Variants in CCDC144A observed in about 807,000 individuals in gnomAD.
CCDC144A encodes coiled-coil domain containing 144A.
CCDC144A carries 41 observed loss-of-function variants against 143.8 expected under a neutral mutation model. The ratio of observed to expected loss-of-function variants is 0.29; its 90% CI spans 0.22 to 0.37. CCDC144A has a LOEUF of 0.37. Ranked by LOEUF, CCDC144A falls within the 10% of genes least tolerant of loss-of-function variation. The pLI, the probability that CCDC144A is intolerant of heterozygous loss-of-function variation, is 1.00. For missense variants in CCDC144A, 637 were observed against 1,488.8 expected (o/e 0.43, Z 9.41); for synonymous variants, 242 against 517.9 (o/e 0.47, Z 7.23).
the CCDC144A span, among the ~76,000 whole-genome samples, chr17:16,679,395 A>G: frequency 6.6e-6 from 1 of 152,130 alleles, no homozygotes; most frequent in Non-Finnish European, 1.5e-5. Context: ...TGACAACACA[A>G]TTGTATATGT....
At chr17:16,684,087 G>GT in the CCDC144A span, 2 of 936,676 alleles carry the variant, frequency 2.1e-6, no homozygotes, top group Non-Finnish European at 3.6e-6. Context: ...TATACAGACA[G>GT]TATGTTTACG....
rs767789399 is a variant in CCDC144A at position 16,761,679 on chromosome 17, G to A, written c.3627G>A (p.Glu1209=). The stretch of plus-strand genomic sequence containing the variant: ...TGATTGAAGAAAGAGCAAGGAAGGA[G>A]ATAGAAGAAAAATTAAACGAAGCCA... ...KLLIEERARK[E]IEEKLNEAIL... is the part of the protein sequence containing the mutation. Residue 1209 remains glutamate (E), a synonymous_variant, in exon 13 of 17, where the codon GAG becomes GAA. Coordinates refer to ENST00000399273, the MANE Select transcript of CCDC144A (RefSeq NM_001382000.1). 1 of 1,613,264 alleles carries A rather than the reference G, an allele frequency of 6.2e-7. No individual in the cohort carries two copies. Among genetic ancestry groups the A allele is most frequent in the Non-Finnish European group, 8.5e-7 (1 of 1,179,642 alleles).
chr17:16,674,537 G>A, the CCDC144A span, among the ~76,000 whole-genome samples: 4 of 137,394 alleles, frequency 2.9e-5, no homozygotes, highest in East Asian at 5.1e-4. Flanking sequence ...AAAACCTGTC[G>A]AAAGAAAGAG....
At chr17:16,762,111 A>G (rs570146702) in intron 13 of CCDC144A, among the ~76,000 whole-genome samples, 1 of 152,360 alleles carries the variant, frequency 6.6e-6, no homozygotes, top group South Asian at 2.1e-4. Context: ...ATTCAGATTC[A>G]GTTATTAATT....
chr17:16,681,237 T>G, the CCDC144A span, among the ~76,000 whole-genome samples: 7,913 of 152,128 alleles, frequency 0.052, 316 homozygotes, highest in Middle Eastern at 0.096. Flanking sequence ...GCCTTTCATT[T>G]TAAAATTTAG....
chr17:16,742,023 A>G (rs1295244118), intron 12 of CCDC144A, among the ~76,000 whole-genome samples: 1 of 151,610 alleles, frequency 6.6e-6, no homozygotes, highest in Non-Finnish European at 1.5e-5. Context: ...CCGGAGGCGG[A>G]GATTGCAGTG....
At chr17:16,757,244 G>A (rs1376968864) in intron 12 of CCDC144A, among the ~76,000 whole-genome samples, 9 of 152,394 alleles carry the variant, frequency 5.9e-5, no homozygotes, top group Admixed American at 1.3e-4. Context: ...ATGGGCACTG[G>A]TAGTGGTGAA....
chr17:16,723,162 T>C (rs559977645), intron 8 of CCDC144A, among the ~76,000 whole-genome samples: 2 of 152,186 alleles, frequency 1.3e-5, no homozygotes, highest in South Asian at 4.1e-4. Flanking sequence ...AGGCTTTACT[T>C]ATGCTTTCTT....
chr17:16,675,167 G>A, the CCDC144A span, among the ~76,000 whole-genome samples: 194 of 151,682 alleles, frequency 1.3e-3, 5 homozygotes, highest in Admixed American at 0.013. Context: ...TACTGGGGAG[G>A]CTGAGGCAAG....
intron 5 of CCDC144A, 28 bp downstream of exon 5, chr17:16,709,663 G>T (rs1401205874): frequency 8.7e-6 from 14 of 1,601,822 alleles, no homozygotes; most frequent in Non-Finnish European, 1.2e-5. Context: ...GCCACTCTTT[G>T]TTTTTTCTCT....
chr17:16,674,127 C>A, the CCDC144A span, among the ~76,000 whole-genome samples: 2 of 151,914 alleles, frequency 1.3e-5, no homozygotes, highest in Non-Finnish European at 2.9e-5. Flanking sequence ...GTGTTTCAAC[C>A]TTTTGGCTGG....
At position 16,722,135 on chromosome 17, in the gene CCDC144A, AT is replaced by A. The variant is rs57608957; in HGVS notation, c.1891+1487del. The stretch of plus-strand genomic sequence containing the variant: ...TTGTATTCTTTGGTTACTGAGAGGG[AT>A]TTTTTTTTTAAATCAGGAATGAATG... On this transcript the variant is annotated intron_variant, in intron 8 of 16. Coordinates refer to ENST00000399273, the MANE Select transcript of CCDC144A (RefSeq NM_001382000.1). 5.9e-3 allele frequency among the ~76,000 whole-genome samples: 877 copies of A among 149,904 alleles called. 9 individuals carry two copies. The highest frequency in any genetic ancestry group is 0.02 in the African/African-American group (827 of 40,898).
chr17:16,748,564 G>A (rs1914643974), intron 12 of CCDC144A, among the ~76,000 whole-genome samples: 1 of 152,108 alleles, frequency 6.6e-6, no homozygotes. Flanking sequence ...TATTCATTGT[G>A]TCTTTGCTGG....
chr17:16,677,934 T>A, the CCDC144A span, among the ~76,000 whole-genome samples: 2 of 151,610 alleles, frequency 1.3e-5, no homozygotes, highest in Non-Finnish European at 2.9e-5. Flanking sequence ...GGCCACAGAG[T>A]CATTGGATAA....
chr17:16,699,942 G>C (rs1911638143), intron 2 of CCDC144A, among the ~76,000 whole-genome samples: 1 of 151,920 alleles, frequency 6.6e-6, no homozygotes, highest in Non-Finnish European at 1.5e-5. Flanking sequence ...AGCAGATTAG[G>C]GAAAGGTATT....
At chr17:16,772,364 CA>C (rs1358627443) in intron 16 of CCDC144A, among the ~76,000 whole-genome samples, 3 of 151,946 alleles carry the variant, frequency 2.0e-5, no homozygotes, top group Non-Finnish European at 4.4e-5. Flanking sequence ...TTTTTAAGGC[CA>C]AAACATCCCA....
In CCDC144A at chr17:16,690,318, G is replaced by T; in HGVS notation, c.-83G>T. 8.9e-7 allele frequency: 1 copy of T among 1,119,190 alleles called. No individual in the cohort carries two copies. Among genetic ancestry groups the T allele is most frequent in the Non-Finnish European group, 1.2e-6 (1 of 802,838 alleles). The allele number at this position is 1,119,190 out of a possible 1,614,324, so 69.3% of individuals were successfully genotyped here. On this transcript the variant is annotated 5_prime_UTR_variant, in exon 1 of 17. Coordinates refer to ENST00000399273, the MANE Select transcript of CCDC144A (RefSeq NM_001382000.1). The stretch of plus-strand genomic sequence containing the variant: ...AGTGATCGCTTGGCTTGGCATTTCT[G>T]GCTTGGCGGTCCTCCTTTCGCAGAT...
chr17:16,762,424 A>G lies in CCDC144A; in HGVS notation c.3778A>G (p.Arg1260Gly), dbSNP rs1915417879. The G allele has an allele frequency of 6.3e-7, 1 of 1,577,212 alleles. No homozygotes were observed. Residue 1260 changes from arginine (R) to glycine (G), a missense_variant, in exon 14 of 17, where the codon AGA (arginine) becomes GGA (glycine). Coordinates refer to ENST00000399273, the MANE Select transcript of CCDC144A (RefSeq NM_001382000.1). ...TIKDLESEIS[R>G]IKTSQADFNK... The stretch of plus-strand genomic sequence containing the variant: ...CAAAGATCTGGAATCTGAAATCTCC[A>G]GAATAAAAACTTCGCAAGCCGACTT...
Position 16,734,783 on chromosome 17 carries a change from A to G in CCDC144A, c.2512A>G (p.Ile838Val). ...CTTGCTGAGACTGGAAATAGATACA[A>G]TAAAAAATCAGAACAAGCAAAAGGA... is the stretch of plus-strand genomic sequence containing the variant. ...IALLRLEIDT[I>V]KNQNKQKEKK... Residue 838 changes from isoleucine to valine, a missense_variant, in exon 12 of 17, where the codon ATA (isoleucine) becomes GTA (valine). Coordinates refer to ENST00000399273, the MANE Select transcript of CCDC144A (RefSeq NM_001382000.1). The G allele has an allele frequency of 9.5e-6, 15 of 1,570,830 alleles. No individual in the cohort carries two copies. Among genetic ancestry groups the G allele is most frequent in the Non-Finnish European group, 1.3e-5 (15 of 1,160,222 alleles).
Sources: gnomAD v4.1 joint callset for allele counts (sites outside exome capture counted in the v4.1 genomes callset) on GRCh38, gnomAD v4.1.1 for gene constraint, MANE v1.5 for transcripts, NCBI Gene and HGNC (gene_info 2026-07-23, HGNC 2026-07-21) for gene names.